Variants in ELMO2 observed in about 807,000 individuals in gnomAD.
ELMO2 encodes engulfment and cell motility 2, also known as engulfment and cell motility protein 2.
In ELMO2, 37 loss-of-function variants were observed where a neutral mutation model predicts 96.2. The observed-to-expected ratio is 0.38, with a 90% CI of 0.30 to 0.51. The LOEUF (loss-of-function observed/expected upper bound fraction) is 0.51, where lower values mean the gene tolerates loss of function less well. ELMO2 is among the 20% of genes least tolerant of loss of function. The pLI, the probability that ELMO2 is intolerant of heterozygous loss-of-function variation, is 0.88. For synonymous variants in ELMO2, 315 were observed against 329.4 expected (o/e 0.96, Z 0.47); for missense variants, 561 against 912.6 (o/e 0.61, Z 4.96).
intron 11 of ELMO2, among the ~76,000 whole-genome samples, chr20:46,377,972 C>T (rs1331546647): frequency 6.6e-6 from 1 of 152,180 alleles, no homozygotes; most frequent in African/African-American, 2.4e-5. Flanking sequence ...GTTTTCTTCT[C>T]CACTGCTCCC....
chr20:46,405,921 C>G (rs2060430339), intron 1 of ELMO2, among the ~76,000 whole-genome samples: 1 of 152,166 alleles, frequency 6.6e-6, no homozygotes, highest in South Asian at 2.1e-4. Flanking sequence ...TTTCTCTGGG[C>G]ACGGTGCAAG....
At chr20:46,382,885 G>C (rs1172927247) in intron 10 of ELMO2, among the ~76,000 whole-genome samples, 1 of 152,188 alleles carries the variant, frequency 6.6e-6, no homozygotes, top group Non-Finnish European at 1.5e-5. Context: ...CTCCATCAGA[G>C]AACCTTTAAA....
At chr20:46,374,704 G>A in intron 13 of ELMO2, 64 bp from the exon 14 acceptor site, 1 of 1,450,870 alleles carries the variant, frequency 6.9e-7, no homozygotes, top group Non-Finnish European at 9.6e-7. Context: ...GACCTGAGGG[G>A]ATGCCCTCTC....
intron 21 of ELMO2, among the ~76,000 whole-genome samples, 168 bp downstream of exon 21, chr20:46,368,723 G>A (rs957000624): frequency 4.6e-5 from 7 of 152,094 alleles, no homozygotes; most frequent in Non-Finnish European, 8.8e-5. Context: ...CCTCCTTTGA[G>A]ACATTCCCAT....
At chr20:46,380,495 T>C (rs1239677865) in intron 10 of ELMO2, among the ~76,000 whole-genome samples, 192 bp from the exon 11 acceptor site, 1 of 152,260 alleles carries the variant, frequency 6.6e-6, no homozygotes, top group African/African-American at 2.4e-5. Context: ...CAACATTCCC[T>C]ATTTTTGTGA....
chr20:46,385,447 C>G (rs138513408), intron 9 of ELMO2, among the ~76,000 whole-genome samples: 2,706 of 152,314 alleles, frequency 0.018, 40 homozygotes, highest in Non-Finnish European at 0.028. Context: ...GGCCTCTATG[C>G]TGGACCTTTT....
Position 46,375,517 on chromosome 20 carries a change from G to A in ELMO2, c.931-147C>T, listed in dbSNP as rs1362251465. On this transcript the variant is annotated intron_variant, in intron 12 of 21. Coordinates refer to ENST00000290246, the MANE Select transcript of ELMO2 (RefSeq NM_133171.5). The surrounding 1 kb of genome is among the most constrained non-coding windows in gnomAD (Gnocchi z 4.6). ...ACCTCTACCACAGCAGGACAGAAAT[G>A]GGCTTGGCTCATGGTGCAGATCATG... 9.5e-6 allele frequency: 14 copies of A among 1,480,338 alleles called. No individual in the cohort carries two copies. Among genetic ancestry groups the A allele is most frequent in the Non-Finnish European group, 1.1e-5 (12 of 1,091,266 alleles). The allele number at this position is 1,480,338 out of a possible 1,614,324, so 91.7% of individuals were successfully genotyped here.
chr20:46,374,502 C>T (rs376691137), intron 14 of ELMO2, 34 bp downstream of exon 14: 55 of 1,611,434 alleles, frequency 3.4e-5, no homozygotes, highest in Non-Finnish European at 4.6e-5. Flanking sequence ...AGATGTGGCA[C>T]CAGGACTGAG....
In ELMO2 at chr20:46,371,855, G is replaced by A; in HGVS notation, c.1531C>T (p.Arg511Cys). 3 of 1,614,190 alleles carry A rather than the reference G, an allele frequency of 1.9e-6. No homozygotes were observed. The highest frequency in any genetic ancestry group is 2.5e-6 in the Non-Finnish European group (3 of 1,180,034). ...TCCTGACTCATCCTCTCAGACTGGC[G>A]CAGTCGTAGAATCTCAGAGTAACTC... ...SLSYSEILRL[R>C]QSERMSQDDF... The change falls in exon 17 of 22, where the codon CGC (arginine) becomes TGC (cysteine). Residue 511 changes from arginine to cysteine, a missense_variant. Transcript: ENST00000290246. The surrounding 1 kb of genome is among the most constrained non-coding windows in gnomAD (Gnocchi z 5.9).
intron 10 of ELMO2, chr20:46,382,290 T>C (rs542323593): frequency 7.8e-7 from 1 of 1,288,704 alleles, no homozygotes; most frequent in African/African-American, 1.5e-5. Flanking sequence ...GAATGAGCTT[T>C]CAGCTTACAT....
In ELMO2 at chr20:46,379,829, G is replaced by A. The variant is rs73908698; in HGVS notation, c.807+424C>T. The A allele has an allele frequency of 3.0e-3, 473 of 158,728 alleles. 3 individuals carry two copies. Among genetic ancestry groups the A allele is most frequent in the African/African-American group, 7.3e-3 (306 of 41,660 alleles). 9.8% of individuals were successfully genotyped at this position (158,728 alleles called of 1,614,324 possible). On this transcript the variant is annotated intron_variant, in intron 11 of 21. Transcript: ENST00000290246. ...AGATCACACCCCACTATGATCACTA[G>A]TCTTTCCTACCAGGCCAGAAGGTCT...
In ELMO2 at chr20:46,371,254, G is replaced by T; in HGVS notation, c.1801+98C>A. ...GGAAACAGGTCCAGAGAGGTAACAG[G>T]TACAAGCCCAGATGATCAGCTACAA... On this transcript the variant is annotated intron_variant, in intron 19 of 21. Coordinates refer to ENST00000290246, the MANE Select transcript of ELMO2 (RefSeq NM_133171.5). The surrounding 1 kb of genome is among the most constrained non-coding windows in gnomAD (Gnocchi z 5.9). 1 of 1,228,238 alleles carries T rather than the reference G, an allele frequency of 8.1e-7. No homozygotes were observed. Among genetic ancestry groups the T allele is most frequent in the Non-Finnish European group, 1.2e-6 (1 of 848,812 alleles). The allele number at this position is 1,228,238 out of a possible 1,614,324, so 76.1% of individuals were successfully genotyped here.
chr20:46,394,331 C>G, intron 3 of ELMO2, 74 bp downstream of exon 3: 1 of 1,510,128 alleles, frequency 6.6e-7, no homozygotes, highest in Non-Finnish European at 9.2e-7. Context: ...GGTCCCCATC[C>G]CTCAAGATGT....
chr20:46,397,012 T>C (rs1266026094), intron 2 of ELMO2, among the ~76,000 whole-genome samples: 1 of 152,176 alleles, frequency 6.6e-6, no homozygotes, highest in Non-Finnish European at 1.5e-5. Flanking sequence ...AACCCCATGA[T>C]TTTTAACTCC....
At chr20:46,390,152 CA>C (rs997290852) in intron 6 of ELMO2, among the ~76,000 whole-genome samples, 26 of 151,282 alleles carry the variant, frequency 1.7e-4, no homozygotes, top group Admixed American at 1.6e-3. Flanking sequence ...GACTCCATCT[CA>C]AAAAAAATAA....
intron 7 of ELMO2, among the ~76,000 whole-genome samples, chr20:46,388,770 C>G (rs1442025354): frequency 6.6e-6 from 1 of 152,178 alleles, no homozygotes; most frequent in East Asian, 1.9e-4. Context: ...CTCCTCCTGA[C>G]TTCTCTAGCC....
At chr20:46,402,269 C>T (rs2060348907) in intron 1 of ELMO2, among the ~76,000 whole-genome samples, 1 of 152,238 alleles carries the variant, frequency 6.6e-6, no homozygotes, top group African/African-American at 2.4e-5. Flanking sequence ...GTTTGCAGCA[C>T]ACTGCCTGCC....
chr20:46,398,318 A>G (rs1383495887), intron 2 of ELMO2, among the ~76,000 whole-genome samples: 1 of 151,600 alleles, frequency 6.6e-6, no homozygotes, highest in Non-Finnish European at 1.5e-5. Flanking sequence ...TATTTTTTTA[A>G]ATTTTTTTTA....
At chr20:46,372,269 C>T (rs549001988) in intron 16 of ELMO2, among the ~76,000 whole-genome samples, 1 of 152,314 alleles carries the variant, frequency 6.6e-6, no homozygotes, top group African/African-American at 2.4e-5. Context: ...CAGCAAGTCA[C>T]TTAACATCCT....
Sources: gnomAD v4.1 joint callset for allele counts (sites outside exome capture counted in the v4.1 genomes callset) on GRCh38, gnomAD v4.1.1 for gene constraint, Gnocchi (gnomAD v3.1) non-coding constraint, MANE v1.5 for transcripts, NCBI Gene and HGNC (gene_info 2026-07-23, HGNC 2026-07-21) for gene names.